Variants in PCDH11X observed in about 807,000 individuals in gnomAD.
PCDH11X encodes protocadherin 11 X-linked, also known as protocadherin-11 X-linked.
Under a neutral mutation model 53.3 loss-of-function variants are expected in PCDH11X, and 18 were observed. The ratio of observed to expected loss-of-function variants is 0.34; its 90% confidence interval spans 0.23 to 0.50. PCDH11X has a LOEUF of 0.50. PCDH11X is among the 20% of genes least tolerant of loss of function. PCDH11X has a pLI of 0.98. For synonymous variants in PCDH11X, 279 were observed against 393.3 expected (o/e 0.71, Z 3.44); for missense variants, 570 against 1,032.4 (o/e 0.55, Z 6.14).
At chrX:92,246,877 G>A (rs1460192927) in intron 7 of PCDH11X, among the ~76,000 whole-genome samples, 1 of 111,599 alleles carries the variant, frequency 9.0e-6, no homozygotes, top group Non-Finnish European at 1.9e-5. Flanking sequence ...AAAGAAAGGA[G>A]GAATGGAGAG....
intron 9 of PCDH11X, among the ~76,000 whole-genome samples, chrX:92,437,421 A>T (rs1197988061): frequency 1.8e-5 from 2 of 111,843 alleles, no homozygotes; most frequent in African/African-American, 6.5e-5. Flanking sequence ...TAATTTTGAA[A>T]AGTCAGATAC....
At chrX:92,468,081 G>T in intron 9 of PCDH11X, 1 of 207,431 alleles carries the variant, frequency 4.8e-6, no homozygotes, top group Non-Finnish European at 7.2e-6. Flanking sequence ...CCAACATATT[G>T]CATAGGCTTG....
At chrX:92,035,344 C>T (rs2063112528) in intron 6 of PCDH11X, among the ~76,000 whole-genome samples, 1 of 111,542 alleles carries the variant, frequency 9.0e-6, no homozygotes, top group African/African-American at 3.3e-5. Context: ...TGAAATTCCT[C>T]AGCTTTTGTT....
At chrX:92,475,021 C>T (rs1248287649) in intron 10 of PCDH11X, among the ~76,000 whole-genome samples, 2 of 103,044 alleles carry the variant, frequency 1.9e-5, no homozygotes, top group African/African-American at 7.1e-5. Context: ...AAAAATTAGC[C>T]GGGCGTAGTG....
At chrX:92,173,270 A>G (rs2065851529) in intron 6 of PCDH11X, among the ~76,000 whole-genome samples, 1 of 111,811 alleles carries the variant, frequency 8.9e-6, no homozygotes, top group Non-Finnish European at 1.9e-5. Context: ...TTGATTTGTA[A>G]TCATTTTTAA....
intron 6 of PCDH11X, among the ~76,000 whole-genome samples, chrX:91,988,098 A>G (rs967272365): frequency 6.4e-4 from 71 of 111,204 alleles, no homozygotes; most frequent in African/African-American, 2.2e-3. Context: ...GTATAGAGCT[A>G]TGTTCTTTTG....
intron 8 of PCDH11X, among the ~76,000 whole-genome samples, chrX:92,277,059 AG>A (rs1041810731): frequency 3.6e-5 from 4 of 110,624 alleles, no homozygotes; most frequent in African/African-American, 1.3e-4. Flanking sequence ...AAGAGATTAT[AG>A]GGTGGAAGAA....
At chrX:92,588,823 C>G (rs902781165) in intron 10 of PCDH11X, among the ~76,000 whole-genome samples, 1 of 109,624 alleles carries the variant, frequency 9.1e-6, no homozygotes, top group Non-Finnish European at 1.9e-5. Flanking sequence ...AGAAGGCTGT[C>G]GAACACCAAG....
intron 10 of PCDH11X, among the ~76,000 whole-genome samples, chrX:92,561,503 A>G (rs1726467162): frequency 1.1e-5 from 1 of 88,314 alleles, no homozygotes; most frequent in Admixed American, 1.3e-4. Flanking sequence ...GAAAAATTCA[A>G]TTGACATACT....
At chrX:91,892,207 C>T (rs757340149) in intron 6 of PCDH11X, among the ~76,000 whole-genome samples, 2 of 107,445 alleles carry the variant, frequency 1.9e-5, no homozygotes, top group East Asian at 6.1e-4. Flanking sequence ...TTGATAATAC[C>T]TCCAAAATAC....
chrX:92,255,952 TG>T (rs1436073750), intron 7 of PCDH11X, among the ~76,000 whole-genome samples: 1 of 112,476 alleles, frequency 8.9e-6, no homozygotes, highest in Non-Finnish European at 1.9e-5. Context: ...TGAGCTGTGG[TG>T]GGCTCCACCC....
chrX:92,088,532 C>G (rs1281314162), intron 6 of PCDH11X, among the ~76,000 whole-genome samples: 1 of 110,203 alleles, frequency 9.1e-6, no homozygotes, highest in African/African-American at 3.3e-5. Context: ...AGAGAAATTA[C>G]TTTTGCTTAT....
intron 6 of PCDH11X, among the ~76,000 whole-genome samples, chrX:91,948,320 T>A (rs761337034): frequency 1.8e-5 from 2 of 111,042 alleles, no homozygotes; most frequent in Admixed American, 9.7e-5. Flanking sequence ...AGTTGACAAT[T>A]CTGCCCACCA....
At chrX:91,931,778 T>C (rs2147839814) in intron 6 of PCDH11X, among the ~76,000 whole-genome samples, 1 of 110,868 alleles carries the variant, frequency 9.0e-6, no homozygotes, top group African/African-American at 3.3e-5. Context: ...TCAAACATTC[T>C]CTACTCAATA....
chrX:91,998,334 A>G (rs1453372965), intron 6 of PCDH11X, among the ~76,000 whole-genome samples: 2 of 111,820 alleles, frequency 1.8e-5, no homozygotes, highest in African/African-American at 6.5e-5. Context: ...ATGATTCTTC[A>G]TAGTAGCCTC....
intron 6 of PCDH11X, among the ~76,000 whole-genome samples, chrX:92,050,420 A>G (rs1472138582): frequency 2.7e-5 from 3 of 109,666 alleles, no homozygotes; most frequent in African/African-American, 1.0e-4. Context: ...GCATGTTTTG[A>G]TGCTGTTCAT....
At chrX:92,398,151 TAAAC>T (rs1176340637) in intron 9 of PCDH11X, among the ~76,000 whole-genome samples, 1 of 111,960 alleles carries the variant, frequency 8.9e-6, no homozygotes, top group African/African-American at 3.2e-5. Context: ...CGAAAGATCT[TAAAC>T]AAACTGAGCC....
intron 7 of PCDH11X, among the ~76,000 whole-genome samples, chrX:92,222,095 A>C (rs67133491): frequency 0.17 from 18,482 of 110,443 alleles, 1,312 homozygotes; most frequent in Admixed American, 0.3. Flanking sequence ...TGGCTTCCCA[A>C]AGTGCTGGGA....
At chrX:92,421,256 C>G (rs2071960222) in intron 9 of PCDH11X, among the ~76,000 whole-genome samples, 1 of 111,920 alleles carries the variant, frequency 8.9e-6, no homozygotes, top group Admixed American at 9.4e-5. Flanking sequence ...CTCTCCTTAG[C>G]CTCCTCACTC....
Sources: allele counts gnomAD v4.1 joint callset (sites outside exome capture counted in the v4.1 genomes callset), GRCh38; gene constraint gnomAD v4.1.1; transcripts MANE v1.5; gene names NCBI Gene and HGNC (gene_info 2026-07-23, HGNC 2026-07-21).